Variants in XKR4 observed in about 807,000 individuals in gnomAD.
The protein encoded by XKR4 is XK-related protein 4.
XKR4 carries 12 observed loss-of-function variants against 53.9 expected under a neutral mutation model. The observed-to-expected ratio is 0.22, with a 90% CI of 0.14 to 0.36. The LOEUF (loss-of-function observed/expected upper bound fraction) is 0.36, where lower values mean the gene tolerates loss of function less well. XKR4 is among the 10% of genes least tolerant of loss of function. The pLI, the probability that XKR4 is intolerant of heterozygous loss-of-function variation, is 1.00. For missense variants in XKR4, 799 were observed against 859.5 expected, an observed-to-expected ratio of 0.93 and a Z score of 0.88; for synonymous variants, 354 against 362.4, an observed-to-expected ratio of 0.98 and a Z score of 0.26.
intron 2 of XKR4, among the ~76,000 whole-genome samples, chr8:55,432,883 T>A (rs926604575): frequency 6.6e-5 from 10 of 152,152 alleles, no homozygotes; most frequent in African/African-American, 2.4e-4. Flanking sequence ...TGTTTCAATG[T>A]GGGGCCTTCT....
At chr8:55,342,305 G>A (rs897174971) in intron 1 of XKR4, among the ~76,000 whole-genome samples, 1 of 152,016 alleles carries the variant, frequency 6.6e-6, no homozygotes, top group Non-Finnish European at 1.5e-5. Context: ...GTTCCTCACT[G>A]CTATTGTGCA....
chr8:55,105,895 G>A (rs531238541), intron 1 of XKR4, among the ~76,000 whole-genome samples: 1 of 152,274 alleles, frequency 6.6e-6, no homozygotes, highest in South Asian at 2.1e-4. Context: ...TGGAACTTTG[G>A]GGGAGTAGAC....
intron 2 of XKR4, among the ~76,000 whole-genome samples, chr8:55,367,684 T>G (rs60577961): frequency 0.035 from 5,339 of 152,300 alleles, 297 homozygotes; most frequent in African/African-American, 0.12. Flanking sequence ...TATCTCAACG[T>G]GACTTTAATT....
intron 1 of XKR4, among the ~76,000 whole-genome samples, chr8:55,166,294 A>G (rs1817065513): frequency 6.6e-6 from 1 of 152,252 alleles, no homozygotes; most frequent in Admixed American, 6.5e-5. Context: ...CTGAACTCTG[A>G]ATCTACAGAG....
chr8:55,522,017 G>T (rs1734756784), intron 2 of XKR4, among the ~76,000 whole-genome samples: 1 of 152,150 alleles, frequency 6.6e-6, no homozygotes, highest in South Asian at 2.1e-4. Context: ...GTGAGTCTTG[G>T]TTCAGCTCAT....
At chr8:55,256,716 G>A (rs188380242) in intron 1 of XKR4, among the ~76,000 whole-genome samples, 23 of 152,272 alleles carry the variant, frequency 1.5e-4, no homozygotes, top group Middle Eastern at 3.4e-3. Context: ...AAACCTCAAA[G>A]GTAAGATTTA....
intron 1 of XKR4, among the ~76,000 whole-genome samples, chr8:55,255,529 C>T (rs984455295): frequency 6.6e-6 from 1 of 152,188 alleles, no homozygotes; most frequent in East Asian, 1.9e-4. Context: ...TTTGGATTCT[C>T]AGCACTTAGA....
intron 2 of XKR4, among the ~76,000 whole-genome samples, chr8:55,401,705 A>G (rs575213763): frequency 3.3e-5 from 5 of 152,328 alleles, no homozygotes; most frequent in Admixed American, 3.3e-4. Context: ...GGTCCTTTCC[A>G]TTAAGGCAGC....
chr8:55,478,825 G>A (rs1340978582), intron 2 of XKR4, among the ~76,000 whole-genome samples: 1 of 152,018 alleles, frequency 6.6e-6, no homozygotes, highest in Non-Finnish European at 1.5e-5. Flanking sequence ...AATGGTAAAG[G>A]GATCAATTCA....
At chr8:55,306,138 A>T (rs962092062) in intron 1 of XKR4, among the ~76,000 whole-genome samples, 7 of 152,256 alleles carry the variant, frequency 4.6e-5, no homozygotes, top group African/African-American at 1.7e-4. Flanking sequence ...AGATGAAAAA[A>T]ACTGTGCATT....
intron 2 of XKR4, among the ~76,000 whole-genome samples, chr8:55,424,538 C>A (rs1400643234): frequency 6.6e-6 from 1 of 152,202 alleles, no homozygotes; most frequent in Non-Finnish European, 1.5e-5. Context: ...TAATAAAAGG[C>A]ACTGCTAAAT....
chr8:55,449,664 G>T, intron 2 of XKR4: 1 of 903,970 alleles, frequency 1.1e-6, no homozygotes, highest in Admixed American at 1.7e-5. Context: ...GCCATGCCAG[G>T]TGCCACAGCC....
intron 1 of XKR4, among the ~76,000 whole-genome samples, chr8:55,200,952 T>C (rs898884040): frequency 2.0e-5 from 3 of 152,248 alleles, no homozygotes; most frequent in African/African-American, 7.2e-5. Flanking sequence ...TACTAAAATA[T>C]CCTTTCTATT....
chr8:55,208,125 AAAT>A (rs1817676271), intron 1 of XKR4, among the ~76,000 whole-genome samples: 1 of 152,264 alleles, frequency 6.6e-6, no homozygotes, highest in South Asian at 2.1e-4. Context: ...TACTACAGTC[AAAT>A]AATTAACATA....
intron 1 of XKR4, among the ~76,000 whole-genome samples, chr8:55,219,893 CA>C (rs762671528): frequency 1.8e-4 from 27 of 152,208 alleles, no homozygotes; most frequent in Non-Finnish European, 3.8e-4. Flanking sequence ...ATTTGTTTCA[CA>C]TATATATACT....
rs552638634 is a variant in XKR4 at position 55,444,026 on chromosome 8, C to T, written c.1007-79255C>T. Among the ~76,000 whole-genome samples, 133 of 152,036 alleles carry T rather than the reference C, an allele frequency of 8.7e-4. 1 individual carries two copies. Among genetic ancestry groups the T allele is most frequent in the African/African-American group, 3.1e-3 (127 of 41,472 alleles). On this transcript the variant is annotated intron_variant, in intron 2 of 2. Transcript: ENST00000327381. ...TCTCTACCAAAAATATGAAAATTAG[C>T]CAGGCATAATGGCACACACCTGTAG...
intron 1 of XKR4, among the ~76,000 whole-genome samples, chr8:55,194,313 G>T (rs1817478952): frequency 1.3e-5 from 2 of 152,158 alleles, no homozygotes; most frequent in Non-Finnish European, 2.9e-5. Flanking sequence ...ACTACGACTG[G>T]CCAGGCCTCC....
rs1385404225 is a variant in XKR4 at position 55,520,919 on chromosome 8, C to G, written c.1007-2362C>G. 3 of 152,324 alleles carry G rather than the reference C, an allele frequency of 2.0e-5. No homozygotes were observed. The Middle Eastern group carries it at 0.01, about 518-fold the overall frequency. 9.4% of individuals were successfully genotyped at this position (152,324 alleles called of 1,614,324 possible). On this transcript the variant is annotated intron_variant, in intron 2 of 2. Transcript: ENST00000327381. ...TATCATCATTTCATGATACTGTGTA[C>G]TTAAAGTTTTCTTACTATTTTTTCA...
chr8:55,392,648 AG>A (rs1007641904), intron 2 of XKR4, among the ~76,000 whole-genome samples: 162 of 152,212 alleles, frequency 1.1e-3, no homozygotes, highest in African/African-American at 3.8e-3. Context: ...AAAATTAGCC[AG>A]GTGTGGTGGC....
Sources: allele counts gnomAD v4.1 joint callset (sites outside exome capture counted in the v4.1 genomes callset), GRCh38; gene constraint gnomAD v4.1.1; transcripts MANE v1.5; gene names NCBI Gene and HGNC (gene_info 2026-07-23, HGNC 2026-07-21).